MROH2B: variants seen among roughly 807,000 people sequenced by gnomAD.
MROH2B encodes the protein maestro heat-like repeat-containing protein family member 2B.
Under a neutral mutation model 208.6 loss-of-function variants are expected in MROH2B, and 177 were observed. The observed-to-expected ratio is 0.85, with a 90% confidence interval of 0.75 to 0.96. The LOEUF is 0.96. MROH2B is among the 40% of genes least tolerant of loss of function. The pLI is 0.00. For missense variants in MROH2B, 2,002 were observed against 1,878.7 expected (o/e 1.07, Z -1.21); for synonymous variants, 728 against 659.0 (o/e 1.10, Z -1.60).
chr5:41,033,805 C>CTATA (rs763443358), intron 22 of MROH2B, 33 bp downstream of exon 22: 9 of 1,282,182 alleles, frequency 7.0e-6, no homozygotes, highest in Admixed American at 2.3e-5. Flanking sequence ...ATCTATCTAT[C>CTATA]TATCTATCTA....
chr5:41,049,735 A>G (rs1418600596), intron 13 of MROH2B, among the ~76,000 whole-genome samples: 1 of 152,186 alleles, frequency 6.6e-6, no homozygotes, highest in African/African-American at 2.4e-5. Flanking sequence ...AGCATCCCTG[A>G]GCCCCACTTA....
rs1334309590 is a variant in MROH2B, at chr5:41,009,324, C to T, written c.3376G>A (p.Glu1126Lys). 6.2e-7 allele frequency: 1 copy of T among 1,613,800 alleles called. No individual in the cohort carries two copies. Among genetic ancestry groups the T allele is most frequent in the African/African-American group, 1.3e-5 (1 of 74,924 alleles). ...KLLQALIDKL[E>K]TELEDDIARV... is the part of the protein sequence containing the mutation. Reference sequence around the variant, plus strand: ...GCGATGTCATCTTCTAACTCAGTCTCCAGTTTGTCTATTAAGGCTTGCAAG... The same window carrying T: ...GCGATGTCATCTTCTAACTCAGTCTTCAGTTTGTCTATTAAGGCTTGCAAG... The change falls in exon 32 of 42, where the codon GAG becomes AAG. Residue 1126 changes from glutamate (E) to lysine (K), a missense_variant. Transcript: ENST00000399564.
intron 24 of MROH2B, among the ~76,000 whole-genome samples, chr5:41,020,933 A>C (rs1742125319): frequency 6.6e-6 from 1 of 152,210 alleles, no homozygotes; most frequent in African/African-American, 2.4e-5. Context: ...TAGTGCTGGA[A>C]GTTCTAGCCA....
rs562749956 is a variant in MROH2B at position 41,069,733 on chromosome 5, G to T, written c.48C>A (p.Asn16Lys). 2.5e-6 allele frequency: 4 copies of T among 1,606,630 alleles called. No homozygotes were observed. In the Admixed American group the frequency reaches 5.1e-5, roughly 20 times the overall value. The change falls in exon 2 of 42, where the codon AAC becomes AAA. Residue 16 changes from asparagine to lysine, a missense_variant. Asn to Lys is a moderately conservative substitution (Grantham distance 94, BLOSUM62 0). Coordinates refer to ENST00000399564, the MANE Select transcript of MROH2B (RefSeq NM_173489.5). ...CCTTGTTCAGCATGCCAAGAGTGAG[G>T]TTAATATCCCCAAACATCTCTAAAA... ...EESIEMFGDI[N>K]LTLGMLNKED...
chr5:41,005,645 C>G lies in MROH2B; in HGVS notation c.3750G>C (p.Arg1250Ser). ...CTCCGTGTTGCCACACTGCCATGCT[C>G]CTAGAAAATGCACATTTTAGCAGAG... ...THHIGVCSLARSMAVWQHGVI... is the reference protein window; with the variant it reads ...THHIGVCSLASSMAVWQHGVI... Residue 1250 changes from arginine (R) to serine (S), a missense_variant and splice_region_variant, in exon 35 of 42, where the codon AGG (arginine) becomes AGC (serine). Transcript: ENST00000399564. The G allele has an allele frequency of 2.5e-6, 4 of 1,606,344 alleles. No individual in the cohort carries two copies. Among genetic ancestry groups the G allele is most frequent in the Non-Finnish European group, 3.4e-6 (4 of 1,175,696 alleles).
At chr5:41,050,550 T>C (rs1743253612) in intron 13 of MROH2B, among the ~76,000 whole-genome samples, 1 of 152,122 alleles carries the variant, frequency 6.6e-6, no homozygotes, top group Non-Finnish European at 1.5e-5. Flanking sequence ...GCTATGTACT[T>C]CCGGGCACTA....
chr5:41,060,774 T>C (rs1743612246), intron 6 of MROH2B, among the ~76,000 whole-genome samples: 1 of 152,142 alleles, frequency 6.6e-6, no homozygotes, highest in Admixed American at 6.5e-5. Flanking sequence ...TTTCCAGGTG[T>C]CTTGAAGAAA....
chr5:41,048,456 T>G lies in MROH2B; in HGVS notation c.1552A>C (p.Met518Leu), dbSNP rs1333310927. 1.2e-5 allele frequency: 20 copies of G among 1,611,452 alleles called. No homozygotes were observed. The highest frequency in any genetic ancestry group is 1.7e-5 in the Non-Finnish European group (20 of 1,179,014). The part of the protein sequence containing the change: ...QLLARLLVIS[M>L]PASLGELRGA... ...CGTAACTCCCCTAAACTGGCAGGCA[T>G]AGATATTACCTGAAGGATAGAAGAG... Residue 518 changes from methionine to leucine, a missense_variant, in exon 16 of 42, where the codon ATG becomes CTG. By Grantham distance (15) the Met-to-Leu change is conservative. Transcript: ENST00000399564.
At chr5:41,058,962 C>A (rs191665230) in intron 6 of MROH2B, among the ~76,000 whole-genome samples, 1 of 149,854 alleles carries the variant, frequency 6.7e-6, no homozygotes, top group African/African-American at 2.5e-5. Flanking sequence ...GCAGGAGAAT[C>A]ACTTGAACCT....
At chr5:41,000,611 C>G (rs1741364745) in intron 38 of MROH2B, 67 bp downstream of exon 38, 1 of 1,522,540 alleles carries the variant, frequency 6.6e-7, no homozygotes, top group African/African-American at 1.4e-5. Context: ...GCAGCTAGAC[C>G]AGGCTTATTG....
Position 41,033,833 on chromosome 5 carries a change from C to CT in MROH2B, c.2241+4_2241+5insA. 1 of 1,477,760 alleles carries CT rather than the reference C, an allele frequency of 6.8e-7. No homozygotes were observed. The highest frequency in any genetic ancestry group is 9.2e-7 in the Non-Finnish European group (1 of 1,084,440). 91.5% of individuals were successfully genotyped at this position (1,477,760 alleles called of 1,614,324 possible). A position where few individuals can be genotyped will look rare whatever the true frequency, so the allele number is the denominator to read the frequency against. On this transcript the variant is annotated splice_donor_region_variant and intron_variant, in intron 22 of 41. Coordinates refer to ENST00000399564, the MANE Select transcript of MROH2B (RefSeq NM_173489.5). ...TCTATCTATCTATCTATCTATCTCT[C>CT]CTACCTTGTTCATCACAGACATGCC...
chr5:41,065,220 G>A, intron 4 of MROH2B, 111 bp downstream of exon 4: 6 of 1,081,520 alleles, frequency 5.5e-6, no homozygotes, highest in Non-Finnish European at 7.8e-6. Flanking sequence ...ATATTTCTTG[G>A]TACAGAAGAA....
intron 15 of MROH2B, 109 bp downstream of exon 15, chr5:41,048,992 T>C: frequency 9.3e-7 from 1 of 1,074,236 alleles, no homozygotes; most frequent in Non-Finnish European, 1.3e-6. Context: ...CTTTTTAGTG[T>C]TTCTTTTTGT....
chr5:40,999,925 G>T, intron 39 of MROH2B, 146 bp from the exon 40 acceptor site: 2 of 736,374 alleles, frequency 2.7e-6, no homozygotes, highest in Non-Finnish European at 4.4e-6. Context: ...TGTCTTATGG[G>T]TATTTTGATC....
At chr5:41,068,351 T>A (rs933333395) in intron 2 of MROH2B, among the ~76,000 whole-genome samples, 7 of 152,214 alleles carry the variant, frequency 4.6e-5, no homozygotes, top group African/African-American at 1.7e-4. Context: ...GCAGGCCTTG[T>A]TCTTTGGCAA....
intron 16 of MROH2B, 36 bp downstream of exon 16, chr5:41,048,287 GC>G (rs746317548): frequency 3.8e-6 from 6 of 1,561,346 alleles, no homozygotes; most frequent in Non-Finnish European, 4.3e-6. Context: ...TTATGTTCTT[GC>G]CCCCTGGGTA....
Position 41,004,837 on chromosome 5 carries a change from G to T in MROH2B, c.3948C>A (p.Asn1316Lys), listed in dbSNP as rs750377135. 2 of 1,614,040 alleles carry T rather than the reference G, an allele frequency of 1.2e-6. No individual in the cohort carries two copies. Among genetic ancestry groups the T allele is most frequent in the East Asian group, 2.2e-5 (1 of 44,886 alleles). The change falls in exon 36 of 42, where the codon AAC (asparagine) becomes AAA (lysine). Residue 1316 changes from asparagine (N) to lysine (K), a missense_variant. Transcript: ENST00000399564. The stretch of plus-strand genomic sequence containing the variant: ...GGATGGCCATCTGCCTCAGAGTGGC[G>T]TTGGAGTCCCAGGCACTTTGATCCA... ...ILMDQSAWDSNATLRQMAIRG... is the reference protein window; with the variant it reads ...ILMDQSAWDSKATLRQMAIRG...
At chr5:41,026,828 G>A (rs1436225823) in intron 24 of MROH2B, among the ~76,000 whole-genome samples, 1 of 152,042 alleles carries the variant, frequency 6.6e-6, no homozygotes, top group Non-Finnish European at 1.5e-5. Context: ...TGGTACTCAT[G>A]CCAAAACAGA....
rs770054040 is a variant in MROH2B, at chr5:41,049,280, C to T, written c.1501G>A (p.Val501Met). Residue 501 changes from valine (V) to methionine (M), a missense_variant and splice_region_variant, in exon 14 of 42, where the codon GTG becomes ATG. Coordinates refer to ENST00000399564, the MANE Select transcript of MROH2B (RefSeq NM_173489.5). ...STALVVSTGA[V>M]KLPSPQQLLA... is the part of the protein sequence containing the mutation. ...TTTCTGTGTTTATGAATGTACAGAC[C>T]AGCTCCTGTAGAGACGACAAGTGCT... 9.9e-6 allele frequency: 16 copies of T among 1,612,954 alleles called. No homozygotes were observed. Among genetic ancestry groups the T allele is most frequent in the Non-Finnish European group, 1.4e-5 (16 of 1,179,506 alleles).
Sources: gnomAD v4.1 joint callset for allele counts (sites outside exome capture counted in the v4.1 genomes callset) on GRCh38, gnomAD v4.1.1 for gene constraint, MANE v1.5 for transcripts, NCBI Gene and HGNC (gene_info 2026-07-23, HGNC 2026-07-21) for gene names.